Variants in POLN observed in about 807,000 individuals in gnomAD.
POLN encodes the protein DNA polymerase nu, also known as DNA polymerase N.
In POLN, 108 loss-of-function variants were observed where a neutral mutation model predicts 113.5. The ratio of observed to expected loss-of-function variants is 0.95; its 90% CI spans 0.81 to 1.12. The LOEUF is 1.12. Ranked by LOEUF, POLN falls within the 50% of genes most tolerant of loss-of-function variation. The pLI is 0.00. For missense variants in POLN, 1,097 were observed against 1,077.1 expected (o/e 1.02, Z -0.26); for synonymous variants, 386 against 391.5 (o/e 0.99, Z 0.17).
At chr4:2,230,993 A>T (rs986340416) in intron 2 of POLN, 2 of 152,222 alleles carry the variant, frequency 1.3e-5, no homozygotes, top group Admixed American at 1.3e-4. Flanking sequence ...TGAAATTCAA[A>T]TTTCATTTGA....
At chr4:2,148,676 A>ACCC (rs1445932479) in intron 16 of POLN, among the ~76,000 whole-genome samples, 15 of 151,336 alleles carry the variant, frequency 9.9e-5, no homozygotes, top group African/African-American at 3.4e-4. Flanking sequence ...CCCCCCCAAA[A>ACCC]AAAAAAAGTA....
rs1308299223 is a variant in POLN, at chr4:2,073,040, G to C, written c.2456-11C>G. On this transcript the variant is annotated splice_polypyrimidine_tract_variant and intron_variant, in intron 24 of 25. Transcript: ENST00000511885. ...TCCTCCTGACGAGAGCTAGAGTGCG[G>C]AAGAGAGAGGAGGCCCTGCTGGTCT... The C allele has an allele frequency of 3.1e-6, 5 of 1,612,860 alleles. No homozygotes were observed. Among genetic ancestry groups the C allele is most frequent in the Non-Finnish European group, 4.2e-6 (5 of 1,179,734 alleles).
chr4:2,110,108 T>C (rs1053468954), intron 19 of POLN, among the ~76,000 whole-genome samples: 2 of 152,160 alleles, frequency 1.3e-5, no homozygotes, highest in Non-Finnish European at 2.9e-5. Context: ...CTCAACTACA[T>C]GGAAACTGAA....
At chr4:2,138,980 G>A (rs1731927910) in intron 16 of POLN, among the ~76,000 whole-genome samples, 1 of 151,824 alleles carries the variant, frequency 6.6e-6, no homozygotes, top group Non-Finnish European at 1.5e-5. Context: ...AAAGCTGAAT[G>A]AAGAGGGTTG....
intron 2 of POLN, among the ~76,000 whole-genome samples, chr4:2,237,597 G>A (rs1347097769): frequency 1.3e-5 from 2 of 152,076 alleles, no homozygotes; most frequent in Non-Finnish European, 2.9e-5. Flanking sequence ...CTAGGTCTGA[G>A]TTTTCTGTTA....
chr4:2,109,535 T>A (rs1373213544), intron 19 of POLN, among the ~76,000 whole-genome samples: 1 of 152,230 alleles, frequency 6.6e-6, no homozygotes, highest in African/African-American at 2.4e-5. Context: ...TTCTGTCAAT[T>A]TTTGCTTTAG....
chr4:2,225,294 A>T (rs1166879740), intron 3 of POLN, among the ~76,000 whole-genome samples: 2 of 152,154 alleles, frequency 1.3e-5, no homozygotes, highest in African/African-American at 2.4e-5. Context: ...GTAAAAAAAA[A>T]TTTAAGAAAA....
intron 7 of POLN, among the ~76,000 whole-genome samples, chr4:2,185,606 C>A (rs1033136126): frequency 2.0e-5 from 3 of 152,096 alleles, no homozygotes; most frequent in African/African-American, 7.2e-5. Context: ...ATTAGCCAGG[C>A]ATGGTGGCAC....
intron 19 of POLN, among the ~76,000 whole-genome samples, chr4:2,123,614 G>A: frequency 8.4e-6 from 1 of 119,498 alleles, no homozygotes; most frequent in South Asian, 2.8e-4. Flanking sequence ...GACAGGGTGA[G>A]ACCCTGTCTC....
chr4:2,126,129 T>G lies in POLN; in HGVS notation c.1982+1984A>C, dbSNP rs903878259. 2.0e-5 allele frequency among the ~76,000 whole-genome samples: 3 copies of G among 152,178 alleles called. No individual in the cohort carries two copies. Among genetic ancestry groups the G allele is most frequent in the East Asian group, 3.9e-4 (2 of 5,194 alleles). On this transcript the variant is annotated intron_variant, in intron 19 of 25. Transcript: ENST00000511885. The surrounding 1 kb of genome is among the most constrained non-coding windows in gnomAD (Gnocchi z 4.6). ...TCCTGGTGCCCTGGACCCCACCATG[T>G]GCTGTGCTCGTCACATCGACCCGGT...
chr4:2,221,654 G>A (rs986064755), intron 3 of POLN, among the ~76,000 whole-genome samples: 1 of 152,146 alleles, frequency 6.6e-6, no homozygotes, highest in Admixed American at 6.5e-5. Flanking sequence ...TTGGCTCACT[G>A]CAACCTCCAC....
Position 2,213,047 on chromosome 4 carries a change from C to CT in POLN, c.212dup (p.Asp72GlyfsTer3). 3.8e-6 allele frequency: 6 copies of CT among 1,597,402 alleles called. No individual in the cohort carries two copies. The highest frequency in any genetic ancestry group is 1.7e-5 in the Admixed American group (1 of 58,298). On this transcript the variant is annotated frameshift_variant and splice_region_variant, in exon 4 of 26. Coordinates refer to ENST00000511885, the MANE Select transcript of POLN (RefSeq NM_181808.4). LOFTEE classifies it high-confidence loss of function. Reference sequence around the variant, plus strand: ...ATTACTCATATGTGCAATGATTTACCTTTTTTTCTGGTGATTGAGTCTTCC... The same window carrying CT: ...ATTACTCATATGTGCAATGATTTACCTTTTTTTTCTGGTGATTGAGTCTTCC...
chr4:2,130,925 C>G (rs1447575772), intron 17 of POLN, among the ~76,000 whole-genome samples: 1 of 152,102 alleles, frequency 6.6e-6, no homozygotes, highest in African/African-American at 2.4e-5. Flanking sequence ...ACCTGTAATC[C>G]CAGCACTTTG....
At chr4:2,137,509 G>A (rs1731886092) in intron 16 of POLN, among the ~76,000 whole-genome samples, 1 of 152,182 alleles carries the variant, frequency 6.6e-6, no homozygotes, top group South Asian at 2.1e-4. Context: ...AGCAGCTCGT[G>A]GAGCCTGACC....
intron 23 of POLN, chr4:2,080,670 A>G (rs973721148): frequency 5.4e-5 from 71 of 1,326,550 alleles, no homozygotes; most frequent in Non-Finnish European, 6.8e-5. Context: ...GGGCAGCCTC[A>G]AGGGGTGCCC....
chr4:2,151,582 G>A (rs965652588), intron 16 of POLN, among the ~76,000 whole-genome samples: 1 of 152,182 alleles, frequency 6.6e-6, no homozygotes, highest in South Asian at 2.1e-4. Context: ...TGATCAACAG[G>A]TGAACTCATA....
intron 2 of POLN, chr4:2,236,419 C>T (rs773502926): frequency 6.2e-7 from 1 of 1,613,140 alleles, no homozygotes; most frequent in East Asian, 2.2e-5. Context: ...AGAAACAATT[C>T]TTTTTTCTTA....
intron 20 of POLN, among the ~76,000 whole-genome samples, chr4:2,086,380 GT>G (rs1442981968): frequency 6.6e-6 from 1 of 152,324 alleles, no homozygotes; most frequent in African/African-American, 2.4e-5. Context: ...ATGTGAGCAG[GT>G]TCAGTGACCA....
At chr4:2,123,624 CAAAAAAAAAAAAAA>C (rs771462226) in intron 19 of POLN, among the ~76,000 whole-genome samples, 2 of 54,954 alleles carry the variant, frequency 3.6e-5, no homozygotes, top group East Asian at 1.3e-3. Context: ...GACCCTGTCT[CAAAAAAAAAAAAAA>C]AAAAAAAGAA....
Sources: allele counts gnomAD v4.1 joint callset (sites outside exome capture counted in the v4.1 genomes callset), GRCh38; gene constraint gnomAD v4.1.1; non-coding constraint Gnocchi (gnomAD v3.1); transcripts MANE v1.5; gene names NCBI Gene and HGNC (gene_info 2026-07-23, HGNC 2026-07-21).